Variants in SLC25A21 observed in about 807,000 individuals in gnomAD.
The protein encoded by SLC25A21 is solute carrier family 25 member 21.
A neutral mutation model predicts 43.8 loss-of-function variants in SLC25A21; 47 were observed. The observed-to-expected ratio is 1.07, with a 90% CI of 0.85 to 1.37. The LOEUF (loss-of-function observed/expected upper bound fraction) is 1.37, where lower values mean the gene tolerates loss of function less well. Among genes scored for constraint, SLC25A21 ranks in the 40% most tolerant of loss-of-function variants. The probability of loss-of-function intolerance (pLI) is 0.00; values close to 1 mark genes in which losing one functional copy is unlikely to be tolerated. For missense variants in SLC25A21, 352 were observed against 350.2 expected (o/e 1.00, Z -0.04); for synonymous variants, 131 against 121.3 (o/e 1.08, Z -0.52).
At chr14:36,685,646 G>GTT (rs148526003) in intron 7 of SLC25A21, among the ~76,000 whole-genome samples, 2 of 152,298 alleles carry the variant, frequency 1.3e-5, no homozygotes, top group African/African-American at 4.8e-5. Context: ...GCGAGAGTGA[G>GTT]TAAAAGAGAA....
At chr14:36,710,155 C>A (rs1039197280) in intron 7 of SLC25A21, among the ~76,000 whole-genome samples, 1 of 151,816 alleles carries the variant, frequency 6.6e-6, no homozygotes, top group Non-Finnish European at 1.5e-5. Context: ...GAGGCTGAGG[C>A]GGGTGGGTTG....
intron 1 of SLC25A21, among the ~76,000 whole-genome samples, chr14:37,038,631 G>T (rs1215439547): frequency 4.6e-5 from 7 of 152,190 alleles, no homozygotes; most frequent in Non-Finnish European, 5.9e-5. Flanking sequence ...AATTCAGGAA[G>T]TCAGAAGAAC....
chr14:36,966,598 C>T (rs1392343729), intron 1 of SLC25A21, among the ~76,000 whole-genome samples: 1 of 152,172 alleles, frequency 6.6e-6, no homozygotes, highest in Non-Finnish European at 1.5e-5. Context: ...CCTATCTACA[C>T]ACTGTACTCT....
chr14:36,916,870 C>T (rs1488106487), intron 1 of SLC25A21, among the ~76,000 whole-genome samples: 1 of 152,144 alleles, frequency 6.6e-6, no homozygotes, highest in East Asian at 1.9e-4. Flanking sequence ...CTCTTCCTAC[C>T]CCACCCTAAA....
chr14:37,028,201 G>A (rs902743968), intron 1 of SLC25A21, among the ~76,000 whole-genome samples: 3 of 151,956 alleles, frequency 2.0e-5, no homozygotes, highest in African/African-American at 7.3e-5. Flanking sequence ...TATACTTACA[G>A]TGTAAATCTT....
In SLC25A21 at chr14:37,123,766, G is replaced by A. The variant is rs114099954; in HGVS notation, c.70+48515C>T. 7.2e-3 allele frequency among the ~76,000 whole-genome samples: 1,097 copies of A among 152,214 alleles called. 17 individuals carry two copies. The highest frequency in any genetic ancestry group is 0.025 in the African/African-American group (1,039 of 41,552). On this transcript the variant is annotated intron_variant, in intron 1 of 9. Coordinates refer to ENST00000331299, the MANE Select transcript of SLC25A21 (RefSeq NM_030631.4). ...GCAGGCATGGTGGCTCACACCTGTA[G>A]CCCTAGCACTTTGGGAGGCTAAGGC...
intron 1 of SLC25A21, among the ~76,000 whole-genome samples, chr14:37,124,205 CAGCACTTTGAGAGCCACACTG>C (rs1289995928): frequency 5.3e-5 from 8 of 151,814 alleles, no homozygotes; most frequent in Admixed American, 5.2e-4. Context: ...GCTGGGATTA[CAGCACTTTGAGAGCCACACTG>C]AGCACTTTGA....
chr14:37,122,112 C>A (rs1414268284), intron 1 of SLC25A21, among the ~76,000 whole-genome samples: 1 of 152,144 alleles, frequency 6.6e-6, no homozygotes, highest in African/African-American at 2.4e-5. Flanking sequence ...ATATAGTGTA[C>A]CTTTTTTCCC....
chr14:36,904,823 G>A (rs1281964837), intron 1 of SLC25A21, among the ~76,000 whole-genome samples: 4 of 152,012 alleles, frequency 2.6e-5, no homozygotes, highest in Non-Finnish European at 4.4e-5. Flanking sequence ...CTCCCACCAG[G>A]TCCCTCCCTG....
At chr14:36,896,988 G>A (rs561885029) in intron 1 of SLC25A21, among the ~76,000 whole-genome samples, 3 of 151,986 alleles carry the variant, frequency 2.0e-5, no homozygotes, top group Admixed American at 6.6e-5. Flanking sequence ...ACTTCATTTC[G>A]ACTTTGGTGA....
intron 6 of SLC25A21, among the ~76,000 whole-genome samples, chr14:36,715,892 G>A (rs778460246): frequency 7.9e-5 from 12 of 152,006 alleles, no homozygotes; most frequent in Non-Finnish European, 1.0e-4. Flanking sequence ...AGGAGTGCGA[G>A]ACCAGCTGGC....
intron 2 of SLC25A21, among the ~76,000 whole-genome samples, chr14:36,850,509 C>CT (rs1566673682): frequency 1.3e-5 from 2 of 152,134 alleles, no homozygotes; most frequent in Admixed American, 6.5e-5. Flanking sequence ...TCCATGGTCT[C>CT]TTAGAAAAAA....
chr14:37,165,638 C>T (rs548771347), intron 1 of SLC25A21, among the ~76,000 whole-genome samples: 14 of 152,050 alleles, frequency 9.2e-5, no homozygotes, highest in Non-Finnish European at 1.8e-4. Context: ...TTAGGAGTGA[C>T]CTCAGGAGGA....
chr14:36,684,674 G>C lies in SLC25A21; in HGVS notation c.785+70C>G, dbSNP rs112312260. The stretch of plus-strand genomic sequence containing the variant: ...AGGGCTTACTGGTTCTCATCTAAAT[G>C]GAAGGACAATACGGTTCTAACAATA... On this transcript the variant is annotated intron_variant, in intron 8 of 9. Transcript: ENST00000331299. 5.0e-6 allele frequency: 7 copies of C among 1,410,398 alleles called. No homozygotes were observed. The African/African-American group carries it at 5.7e-5, about 12-fold the overall frequency. 87.4% of individuals were successfully genotyped at this position (1,410,398 alleles called of 1,614,324 possible).
chr14:36,843,378 G>A (rs540848820), intron 2 of SLC25A21, among the ~76,000 whole-genome samples: 3 of 152,260 alleles, frequency 2.0e-5, no homozygotes, highest in African/African-American at 7.2e-5. Flanking sequence ...ACAATTCAGG[G>A]GGAGGATCCT....
chr14:36,921,350 C>T (rs973473554), intron 1 of SLC25A21, among the ~76,000 whole-genome samples: 14 of 152,072 alleles, frequency 9.2e-5, no homozygotes, highest in Non-Finnish European at 4.4e-5. Flanking sequence ...GCACTTTGTA[C>T]ATAAAAGGCA....
chr14:37,163,904 A>G (rs1430363754), intron 1 of SLC25A21, among the ~76,000 whole-genome samples: 1 of 152,176 alleles, frequency 6.6e-6, no homozygotes, highest in African/African-American at 2.4e-5. Flanking sequence ...TCTATGGCTT[A>G]GACTTTTCAT....
intron 1 of SLC25A21, among the ~76,000 whole-genome samples, chr14:37,038,172 T>C (rs1961369880): frequency 6.6e-6 from 1 of 152,162 alleles, no homozygotes; most frequent in African/African-American, 2.4e-5. Flanking sequence ...TGCCCTTTGA[T>C]GTAGGGTAGC....
chr14:37,125,066 G>A (rs1275709589), intron 1 of SLC25A21, among the ~76,000 whole-genome samples: 1 of 152,170 alleles, frequency 6.6e-6, no homozygotes, highest in Admixed American at 6.5e-5. Flanking sequence ...GGATCTGAAT[G>A]GATGCCCAAC....
Sources: gnomAD v4.1 joint callset for allele counts (sites outside exome capture counted in the v4.1 genomes callset) on GRCh38, gnomAD v4.1.1 for gene constraint, MANE v1.5 for transcripts, NCBI Gene and HGNC (gene_info 2026-07-23, HGNC 2026-07-21) for gene names.